Variants in CALD1 observed in about 807,000 individuals in gnomAD.
CALD1 encodes the protein caldesmon.
CALD1 carries 33 observed loss-of-function variants against 99.9 expected under a neutral mutation model. The ratio of observed to expected loss-of-function variants is 0.33; its 90% confidence interval spans 0.25 to 0.44. CALD1 has a LOEUF of 0.44. Among genes scored for constraint, CALD1 ranks in the 20% least tolerant of loss-of-function variants. CALD1 has a pLI of 1.00. For synonymous variants in CALD1, 310 were observed against 325.0 expected (o/e 0.95, Z 0.50); for missense variants, 861 against 962.1 (o/e 0.89, Z 1.39).
chr7:134,870,240 T>TA (rs1801004648), intron 3 of CALD1, among the ~76,000 whole-genome samples: 1 of 152,104 alleles, frequency 6.6e-6, no homozygotes. Context: ...GCAGACCTGA[T>TA]AGAGTTGTGG....
intron 3 of CALD1, among the ~76,000 whole-genome samples, chr7:134,906,569 C>T (rs1456748779): frequency 6.6e-6 from 1 of 152,238 alleles, no homozygotes; most frequent in Non-Finnish European, 1.5e-5. Flanking sequence ...CTGTTTGACT[C>T]ACTTATTCCA....
intron 1 of CALD1, among the ~76,000 whole-genome samples, chr7:134,762,458 G>T (rs1201037601): frequency 1.3e-5 from 2 of 152,170 alleles, no homozygotes; most frequent in African/African-American, 4.8e-5. Context: ...TAAGGGTTCT[G>T]TATTAGTCCA....
chr7:134,839,821 C>G (rs1327557527), intron 1 of CALD1, among the ~76,000 whole-genome samples: 1 of 152,148 alleles, frequency 6.6e-6, no homozygotes, highest in Non-Finnish European at 1.5e-5. Context: ...CCCCATGTAG[C>G]TGAGACTACA....
chr7:134,711,684 G>A, the CALD1 span, among the ~76,000 whole-genome samples: 3,239 of 21,640 alleles, frequency 0.15, 58 homozygotes, highest in South Asian at 0.18. Context: ...ATATATATGT[G>A]TGTGTGTGTG....
intron 3 of CALD1, among the ~76,000 whole-genome samples, chr7:134,872,392 T>C (rs1211463564): frequency 6.6e-6 from 1 of 151,796 alleles, no homozygotes; most frequent in Non-Finnish European, 1.5e-5. Context: ...ACTTCCTTCT[T>C]TGTCTTGCCC....
chr7:134,889,841 G>A (rs1445191445), intron 3 of CALD1, among the ~76,000 whole-genome samples: 1 of 152,158 alleles, frequency 6.6e-6, no homozygotes, highest in Non-Finnish European at 1.5e-5. Context: ...ATGATATATA[G>A]AGATAATTAA....
intron 2 of CALD1, among the ~76,000 whole-genome samples, chr7:134,844,596 C>T (rs954275759): frequency 3.3e-5 from 5 of 152,202 alleles, no homozygotes; most frequent in Non-Finnish European, 1.5e-5. Flanking sequence ...ATTGTTGTTT[C>T]AAAATTCTAT....
At chr7:134,939,487 A>C (rs1317503094) in intron 6 of CALD1, among the ~76,000 whole-genome samples, 1 of 152,126 alleles carries the variant, frequency 6.6e-6, no homozygotes, top group African/African-American at 2.4e-5. Flanking sequence ...TACAGCCCCC[A>C]TTTTCAGTGT....
At chr7:134,908,181 T>C (rs947204270) in intron 3 of CALD1, among the ~76,000 whole-genome samples, 1 of 152,156 alleles carries the variant, frequency 6.6e-6, no homozygotes, top group Non-Finnish European at 1.5e-5. Context: ...CACCAGGCGA[T>C]GAAGGTGATA....
At chr7:134,914,474 T>C (rs1804055896) in intron 3 of CALD1, among the ~76,000 whole-genome samples, 1 of 152,198 alleles carries the variant, frequency 6.6e-6, no homozygotes, top group Admixed American at 6.5e-5. Context: ...CTAGAAAATG[T>C]GTGCTGCCCT....
At chr7:134,914,286 T>G (rs1804043088) in intron 3 of CALD1, among the ~76,000 whole-genome samples, 1 of 152,194 alleles carries the variant, frequency 6.6e-6, no homozygotes, top group African/African-American at 2.4e-5. Context: ...AGCTTATGGC[T>G]CTTGAGGGGT....
intron 1 of CALD1, among the ~76,000 whole-genome samples, chr7:134,753,716 C>A (rs1796704788): frequency 1.3e-5 from 2 of 152,136 alleles, no homozygotes; most frequent in Admixed American, 1.3e-4. Flanking sequence ...ATTCTTGCTG[C>A]CCTTTCTCCT....
intron 7 of CALD1, 34 bp downstream of exon 7, chr7:134,941,271 T>C (rs752275015): frequency 6.5e-6 from 10 of 1,537,430 alleles, no homozygotes; most frequent in Non-Finnish European, 8.8e-6. Flanking sequence ...AGAAACTGTG[T>C]TCACATGCAA....
chr7:134,771,834 G>C (rs770062374), intron 1 of CALD1, among the ~76,000 whole-genome samples: 1 of 152,084 alleles, frequency 6.6e-6, no homozygotes, highest in Non-Finnish European at 1.5e-5. Context: ...CTCACTGCTT[G>C]TTCCTTGACT....
the CALD1 span, among the ~76,000 whole-genome samples, chr7:134,722,417 A>ATTTG: frequency 6.8e-4 from 100 of 147,900 alleles, no homozygotes; most frequent in East Asian, 2.0e-3. Context: ...TTATTTATTT[A>ATTTG]TTTGTTTGTT....
At position 134,947,544 on chromosome 7, in the gene CALD1, G is replaced by C. The variant is rs1388069436; in HGVS notation, c.1569G>C (p.Glu523Asp). Residue 523 changes from glutamate to aspartate, a missense_variant, in exon 8 of 15, where the codon GAG becomes GAC. Glu to Asp is a conservative substitution (Grantham distance 45). This residue lies in a region of CALD1 where 293 missense variants were observed against 262.7 expected (regional missense o/e 1.12). Coordinates refer to ENST00000361675, the MANE Select transcript of CALD1 (RefSeq NM_033138.4). ...GGAGGGCCAGCGTGGACACCAAGGA[G>C]GCTGAGGGCGCCCCCCAGGTGGAAG... ...PGGRASVDTKEAEGAPQVEAG... is the reference protein window; with the variant it reads ...PGGRASVDTKDAEGAPQVEAG... 4.5e-6 allele frequency: 7 copies of C among 1,564,742 alleles called. No homozygotes were observed. Among genetic ancestry groups the C allele is most frequent in the Middle Eastern group, 1.7e-4 (1 of 5,826 alleles).
chr7:134,755,228 T>C (rs1447460163), intron 1 of CALD1, among the ~76,000 whole-genome samples: 2 of 152,190 alleles, frequency 1.3e-5, no homozygotes, highest in Non-Finnish European at 2.9e-5. Flanking sequence ...CTTGAACTCC[T>C]GACCTCAAGT....
In CALD1 at chr7:134,854,315, T is replaced by C. The variant is rs552217501; in HGVS notation, c.-42+10344T>C. On this transcript the variant is annotated intron_variant, in intron 2 of 14. Coordinates refer to ENST00000361675, the MANE Select transcript of CALD1 (RefSeq NM_033138.4). Reference sequence around the variant, plus strand: ...TGTCTTCCACAATGGTTGAACTAACTTACACTCCCACCAACAGTGTAAAAG... The same window carrying C: ...TGTCTTCCACAATGGTTGAACTAACCTACACTCCCACCAACAGTGTAAAAG... 9.8e-5 allele frequency among the ~76,000 whole-genome samples: 15 copies of C among 152,338 alleles called. No individual in the cohort carries two copies. In the East Asian group the frequency reaches 2.9e-3, roughly 29 times the overall value.
At chr7:134,929,646 G>GTGTGTGTATATATATA (rs1488854871) in intron 4 of CALD1, among the ~76,000 whole-genome samples, 5 of 7,906 alleles carry the variant, frequency 6.3e-4, no homozygotes, top group Non-Finnish European at 9.2e-4. Flanking sequence ...GTGTGTGTGT[G>GTGTGTGTATATATATA]TATATATATA....
Sources: gnomAD v4.1 joint callset for allele counts (sites outside exome capture counted in the v4.1 genomes callset) on GRCh38, gnomAD v4.1.1 for gene constraint, gnomAD v4.1.1 regional missense constraint, MANE v1.5 for transcripts, NCBI Gene and HGNC (gene_info 2026-07-23, HGNC 2026-07-21) for gene names.